IQCM: variants seen among roughly 807,000 people sequenced by gnomAD.
IQCM encodes IQ domain-containing protein M.
IQCM carries 45 observed loss-of-function variants against 57.6 expected under a neutral mutation model. The ratio of observed to expected loss-of-function variants is 0.78; its 90% CI spans 0.62 to 1.00. The LOEUF (loss-of-function observed/expected upper bound fraction) is 1.00. Ranked by LOEUF, IQCM falls within the 50% of genes least tolerant of loss-of-function variation. The pLI is 0.00. For missense variants in IQCM, 468 were observed against 511.6 expected (o/e 0.91, Z 0.82); for synonymous variants, 148 against 158.9 (o/e 0.93, Z 0.51).
In IQCM at chr4:149,604,715, C is replaced by T. The variant is rs528954700; in HGVS notation, c.681+16414G>A. Among the ~76,000 whole-genome samples the T allele has an allele frequency of 1.5e-3, 225 of 152,252 alleles. 1 individual carries two copies. Among genetic ancestry groups the T allele is most frequent in the African/African-American group, 5.2e-3 (218 of 41,570 alleles). On this transcript the variant is annotated intron_variant, in intron 8 of 13. Coordinates refer to ENST00000636793, the MANE Select transcript of IQCM (RefSeq NM_001363507.2). ...TAGTTCATAAATTTATTCCTAAGAA[C>T]ATTAAAAGGAAGTCAAGTGAGACAT... is the stretch of plus-strand genomic sequence containing the variant.
At chr4:149,695,897 G>A (rs1035128129) in intron 5 of IQCM, among the ~76,000 whole-genome samples, 1 of 152,148 alleles carries the variant, frequency 6.6e-6, no homozygotes, top group African/African-American at 2.4e-5. Context: ...GAAGCGGGCT[G>A]AGATTTGTTA....
intron 2 of IQCM, among the ~76,000 whole-genome samples, chr4:149,764,091 T>C (rs1394844): frequency 0.32 from 49,122 of 152,000 alleles, 9,711 homozygotes; most frequent in African/African-American, 0.53. Flanking sequence ...CTCTTATACC[T>C]TGTTGGGGCA....
At chr4:149,777,823 C>T (rs1185219888) in intron 2 of IQCM, among the ~76,000 whole-genome samples, 4 of 152,122 alleles carry the variant, frequency 2.6e-5, no homozygotes, top group South Asian at 4.1e-4. Context: ...CAAGGACTGA[C>T]GCAGTGGTGC....
At chr4:149,661,699 A>T (rs1760229405) in intron 7 of IQCM, among the ~76,000 whole-genome samples, 1 of 152,030 alleles carries the variant, frequency 6.6e-6, no homozygotes, top group African/African-American at 2.4e-5. Flanking sequence ...AATGTCTAGG[A>T]ATTTATATGT....
chr4:149,711,218 A>G (rs191210107), intron 5 of IQCM: 3 of 152,288 alleles, frequency 2.0e-5, no homozygotes, highest in Admixed American at 2.0e-4. Flanking sequence ...GCTCAAGGTT[A>G]TACAATAATT....
At chr4:149,807,117 A>G (rs1164969024) in intron 2 of IQCM, among the ~76,000 whole-genome samples, 1 of 151,996 alleles carries the variant, frequency 6.6e-6, no homozygotes, top group African/African-American at 2.4e-5. Context: ...CACAATCCCT[A>G]TCAAAATACC....
intron 2 of IQCM, among the ~76,000 whole-genome samples, chr4:149,765,132 T>A (rs566366707): frequency 1.3e-5 from 2 of 152,234 alleles, no homozygotes; most frequent in South Asian, 2.1e-4. Context: ...TTGAAAAATT[T>A]AGAATGTGAC....
intron 12 of IQCM, among the ~76,000 whole-genome samples, chr4:149,461,357 A>G (rs750255474): frequency 2.0e-5 from 3 of 152,122 alleles, no homozygotes; most frequent in Non-Finnish European, 2.9e-5. Context: ...CAAGGTTATG[A>G]TATCAATAAT....
chr4:149,766,180 T>C (rs1324534934), intron 2 of IQCM, among the ~76,000 whole-genome samples: 1 of 152,066 alleles, frequency 6.6e-6, no homozygotes, highest in East Asian at 1.9e-4. Context: ...CTTATTGCTG[T>C]CAAATTATGC....
rs1181027848 is a variant in IQCM at position 149,368,856 on chromosome 4, GTA to G, written c.1391-16792_1391-16791del. Among the ~76,000 whole-genome samples the G allele has an allele frequency of 8.7e-5, 4 of 46,038 alleles. 2 individuals carry two copies. Among genetic ancestry groups the G allele is most frequent in the African/African-American group, 3.3e-4 (4 of 12,298 alleles). 30.2% of individuals were successfully genotyped at this position (46,038 alleles called of 152,430 possible). ...TGTATATATATACATATATATACAT[GTA>G]TATATATACATATATACACGTGTAT... On this transcript the variant is annotated intron_variant, in intron 13 of 13. Transcript: ENST00000636793.
intron 2 of IQCM, among the ~76,000 whole-genome samples, chr4:149,798,148 T>C (rs916319807): frequency 7.9e-5 from 12 of 151,300 alleles, no homozygotes; most frequent in African/African-American, 1.2e-4. Context: ...AAGACATAGA[T>C]AGCACAATAA....
intron 12 of IQCM, among the ~76,000 whole-genome samples, chr4:149,461,936 T>A (rs970442554): frequency 6.6e-6 from 1 of 152,058 alleles, no homozygotes; most frequent in Non-Finnish European, 1.5e-5. Context: ...TATCAAAACT[T>A]GGATTAGTCT....
intron 13 of IQCM, among the ~76,000 whole-genome samples, chr4:149,373,611 A>C (rs1413475652): frequency 6.6e-6 from 1 of 152,154 alleles, no homozygotes; most frequent in Non-Finnish European, 1.5e-5. Context: ...ATAAATATTT[A>C]ATTCAGGTAT....
intron 13 of IQCM, among the ~76,000 whole-genome samples, chr4:149,384,839 A>G (rs754106827): frequency 6.6e-6 from 1 of 151,950 alleles, no homozygotes; most frequent in Non-Finnish European, 1.5e-5. Flanking sequence ...ACATCTCATG[A>G]CACACTTGAT....
At chr4:149,585,378 T>C (rs1401092570) in intron 9 of IQCM, among the ~76,000 whole-genome samples, 1 of 151,670 alleles carries the variant, frequency 6.6e-6, no homozygotes, top group Non-Finnish European at 1.5e-5. Context: ...GACTCTAAAG[T>C]TTCGTGGAAT....
chr4:149,427,396 T>C (rs917993115), intron 13 of IQCM, among the ~76,000 whole-genome samples: 2 of 151,994 alleles, frequency 1.3e-5, no homozygotes, highest in African/African-American at 4.8e-5. Flanking sequence ...AATGTACAAC[T>C]CACATTTTCT....
rs1199209483 is a variant in IQCM, at chr4:149,379,881, C to G, written c.1391-27815G>C. 1.7e-4 allele frequency among the ~76,000 whole-genome samples: 26 copies of G among 152,106 alleles called. 1 individual carries two copies. Among genetic ancestry groups the G allele is most frequent in the Admixed American group, 1.7e-3 (26 of 15,260 alleles). ...ATCTTGAATTGTAGCTCCCATAATT[C>G]CCTTGAGTTGTGGGAGGGACCAAGT... On this transcript the variant is annotated intron_variant, in intron 13 of 13. Transcript: ENST00000636793.
At chr4:149,594,545 G>T (rs1210369226) in intron 8 of IQCM, among the ~76,000 whole-genome samples, 1 of 152,178 alleles carries the variant, frequency 6.6e-6, no homozygotes, top group Admixed American at 6.5e-5. Flanking sequence ...TAACTGTGAT[G>T]TTGGGGTGTC....
chr4:149,710,205 T>G (rs1764462087), intron 5 of IQCM, among the ~76,000 whole-genome samples: 1 of 152,032 alleles, frequency 6.6e-6, no homozygotes, highest in Non-Finnish European at 1.5e-5. Flanking sequence ...CAAATTAGGG[T>G]TCTAGTTATT....
Sources: gnomAD v4.1 joint callset for allele counts (sites outside exome capture counted in the v4.1 genomes callset) on GRCh38, gnomAD v4.1.1 for gene constraint, MANE v1.5 for transcripts, NCBI Gene and HGNC (gene_info 2026-07-23, HGNC 2026-07-21) for gene names.